The following GRIN2A variants were observed in gnomAD, a reference collection of about 807,000 sequenced individuals.
GRIN2A encodes glutamate ionotropic receptor NMDA type subunit 2A, also known as glutamate receptor ionotropic, NMDA 2A.
A neutral mutation model predicts 113.4 loss-of-function variants in GRIN2A; 22 were observed. The observed-to-expected ratio is 0.19, with a 90% CI of 0.14 to 0.28. The LOEUF (loss-of-function observed/expected upper bound fraction) is 0.28. Ranked by LOEUF, GRIN2A falls within the 10% of genes least tolerant of loss-of-function variation. The pLI is 1.00. For missense variants in GRIN2A, 1,502 were observed against 1,887.0 expected, an observed-to-expected ratio of 0.80 and a Z score of 3.78; for synonymous variants, 827 against 738.4, an observed-to-expected ratio of 1.12 and a Z score of -1.94.
At chr16:10,055,541 T>G (rs1255128178) in intron 2 of GRIN2A, among the ~76,000 whole-genome samples, 1 of 152,232 alleles carries the variant, frequency 6.6e-6, no homozygotes, top group African/African-American at 2.4e-5. Flanking sequence ...AAGGATACTC[T>G]GAGCAGACAA....
intron 2 of GRIN2A, among the ~76,000 whole-genome samples, chr16:10,039,102 C>A (rs1485377318): frequency 6.6e-6 from 1 of 152,192 alleles, no homozygotes; most frequent in Non-Finnish European, 1.5e-5. Flanking sequence ...GCACAGTGCC[C>A]GCCCGGCAGG....
intron 2 of GRIN2A, among the ~76,000 whole-genome samples, chr16:10,071,917 G>T (rs184652669): frequency 8.5e-4 from 130 of 152,310 alleles, no homozygotes; most frequent in African/African-American, 2.8e-3. Context: ...CACAGAGAAG[G>T]AAATGGAGGC....
chr16:9,938,359 C>A lies in GRIN2A; in HGVS notation c.607G>T (p.Val203Leu), dbSNP rs1342755805. Residue 203 changes from valine (V) to leucine (L), a missense_variant, in exon 3 of 13, where the codon GTG becomes TTG. By Grantham distance (32) the Val-to-Leu change is conservative. Transcript: ENST00000330684. The part of the protein sequence containing the change: ...NSFVGWDMQN[V>L]ITLDTSFEDA... The stretch of plus-strand genomic sequence containing the variant: ...TCAAAGGAAGTGTCCAGTGTGATCA[C>A]ATTCTGCATGTCCCAGCCCACAAAG... 2 of 1,614,046 alleles carry A rather than the reference C, an allele frequency of 1.2e-6. No individual in the cohort carries two copies. Among genetic ancestry groups the A allele is most frequent in the East Asian group, 4.5e-5 (2 of 44,884 alleles).
intron 11 of GRIN2A, among the ~76,000 whole-genome samples, chr16:9,777,864 G>C (rs1406342676): frequency 2.0e-5 from 3 of 152,220 alleles, no homozygotes; most frequent in Non-Finnish European, 4.4e-5. Context: ...AGGAGTTTGA[G>C]ACCGGCCTGG....
At chr16:10,067,859 AC>A (rs2047678497) in intron 2 of GRIN2A, among the ~76,000 whole-genome samples, 1 of 151,774 alleles carries the variant, frequency 6.6e-6, no homozygotes, top group African/African-American at 2.4e-5. Flanking sequence ...TATTATATCC[AC>A]CCCCTCCACC....
In GRIN2A at chr16:9,977,127, A is replaced by G. The variant is rs527553792; in HGVS notation, c.415-38576T>C. On this transcript the variant is annotated intron_variant, in intron 2 of 12. Transcript: ENST00000330684. ...ATCTAAAGCTGGCATGCAAGACACC[A>G]TTTTCAAAAATTAAACAAGCCAGGT... is the stretch of plus-strand genomic sequence containing the variant. Among the ~76,000 whole-genome samples the G allele has an allele frequency of 5.9e-5, 9 of 152,272 alleles. No homozygotes were observed. In the South Asian group the frequency reaches 1.2e-3, roughly 21 times the overall value.
chr16:9,782,804 AGGATATTTAT>A (rs1317815952), intron 11 of GRIN2A, among the ~76,000 whole-genome samples: 2 of 152,238 alleles, frequency 1.3e-5, no homozygotes, highest in African/African-American at 4.8e-5. Flanking sequence ...GTGGCTCTCC[AGGATATTTAT>A]GGATATTATC....
chr16:9,893,062 G>A (rs2043729238), intron 3 of GRIN2A, among the ~76,000 whole-genome samples: 1 of 152,168 alleles, frequency 6.6e-6, no homozygotes, highest in South Asian at 2.1e-4. Context: ...ACTGATGGGG[G>A]TGTTGTGTGG....
At chr16:9,837,211 C>T (rs2042596274) in intron 7 of GRIN2A, among the ~76,000 whole-genome samples, 1 of 152,134 alleles carries the variant, frequency 6.6e-6, no homozygotes, top group Non-Finnish European at 1.5e-5. Context: ...AGGGGGTGCA[C>T]AGTCAATCAA....
intron 2 of GRIN2A, among the ~76,000 whole-genome samples, chr16:10,114,880 T>G (rs2048698652): frequency 6.6e-6 from 1 of 152,250 alleles, no homozygotes; most frequent in South Asian, 2.1e-4. Context: ...AATTTTTTGT[T>G]TAGATATTTT....
chr16:9,871,777 T>G (rs2043266275), intron 4 of GRIN2A, among the ~76,000 whole-genome samples: 1 of 152,108 alleles, frequency 6.6e-6, no homozygotes, highest in Admixed American at 6.5e-5. Flanking sequence ...TTAAAAACTA[T>G]TAGGCACTTT....
intron 4 of GRIN2A, among the ~76,000 whole-genome samples, chr16:9,883,518 G>T (rs2043525877): frequency 6.6e-6 from 1 of 152,244 alleles, no homozygotes; most frequent in African/African-American, 2.4e-5. Context: ...AATGGAAAGG[G>T]TGTCCTTAGC....
intron 2 of GRIN2A, among the ~76,000 whole-genome samples, chr16:10,068,319 T>A (rs2047687231): frequency 6.6e-6 from 1 of 152,178 alleles, no homozygotes; most frequent in Admixed American, 6.5e-5. Flanking sequence ...AGAAAAGACG[T>A]TTAATTGGCT....
intron 2 of GRIN2A, among the ~76,000 whole-genome samples, chr16:10,067,280 C>T (rs56849994): frequency 0.03 from 4,641 of 152,240 alleles, 255 homozygotes; most frequent in African/African-American, 0.11. Context: ...AAAATACCCA[C>T]GAAAAATTCA....
At chr16:10,134,541 G>T (rs1243835110) in intron 2 of GRIN2A, among the ~76,000 whole-genome samples, 1 of 152,048 alleles carries the variant, frequency 6.6e-6, no homozygotes. Flanking sequence ...ATGAGTTGAT[G>T]GGTGCAGCAA....
At chr16:9,962,782 A>G (rs1402214645) in intron 2 of GRIN2A, among the ~76,000 whole-genome samples, 1 of 152,174 alleles carries the variant, frequency 6.6e-6, no homozygotes, top group African/African-American at 2.4e-5. Flanking sequence ...TATATACCCA[A>G]AGGATTATAA....
chr16:10,125,057 C>A (rs2048907842), intron 2 of GRIN2A, among the ~76,000 whole-genome samples: 1 of 152,142 alleles, frequency 6.6e-6, no homozygotes, highest in South Asian at 2.1e-4. Context: ...CCAAATCATG[C>A]AGGGTCTCTT....
intron 9 of GRIN2A, among the ~76,000 whole-genome samples, chr16:9,828,034 G>C (rs1161638179): frequency 6.6e-6 from 1 of 152,148 alleles, no homozygotes; most frequent in Non-Finnish European, 1.5e-5. Context: ...ATTCTGCCAA[G>C]TTTATTACAG....
chr16:9,911,688 A>T (rs1218276569), intron 3 of GRIN2A, among the ~76,000 whole-genome samples: 1 of 152,188 alleles, frequency 6.6e-6, no homozygotes, highest in East Asian at 1.9e-4. Context: ...AGCTCTACAA[A>T]GGTCTGTCTC....
Sources: allele counts gnomAD v4.1 joint callset (sites outside exome capture counted in the v4.1 genomes callset), GRCh38; gene constraint gnomAD v4.1.1; transcripts MANE v1.5; gene names NCBI Gene and HGNC (gene_info 2026-07-23, HGNC 2026-07-21).